The following ACVR1B variants were observed in gnomAD, a reference collection of about 807,000 sequenced individuals.
ACVR1B encodes activin receptor type-1B.
ACVR1B carries 15 observed loss-of-function variants against 55.6 expected under a neutral mutation model. The ratio of observed to expected loss-of-function variants is 0.27; its 90% CI spans 0.18 to 0.42. The LOEUF is 0.42. Ranked by LOEUF, ACVR1B falls within the 10% of genes least tolerant of loss-of-function variation. The pLI, the probability that ACVR1B is intolerant of heterozygous loss-of-function variation, is 1.00. For synonymous variants in ACVR1B, 247 were observed against 254.6 expected, an observed-to-expected ratio of 0.97 and a Z score of 0.28; for missense variants, 359 against 670.1, an observed-to-expected ratio of 0.54 and a Z score of 5.13.
At chr12:51,976,214 A>T in intron 2 of ACVR1B, 113 bp from the exon 3 acceptor site, 2 of 1,276,710 alleles carry the variant, frequency 1.6e-6, no homozygotes, top group Non-Finnish European at 2.2e-6. Context: ...GGGAGCCTGA[A>T]CACATCGACA....
At chr12:51,952,230 C>T (rs915854295) in intron 1 of ACVR1B, among the ~76,000 whole-genome samples, 1 of 152,078 alleles carries the variant, frequency 6.6e-6, no homozygotes, top group Non-Finnish European at 1.5e-5. Flanking sequence ...TCCAGGTGCT[C>T]CTGGGGGGCG....
chr12:51,958,873 GTC>G (rs892108640), intron 1 of ACVR1B, among the ~76,000 whole-genome samples: 2 of 152,168 alleles, frequency 1.3e-5, no homozygotes, highest in African/African-American at 4.8e-5. Flanking sequence ...ACCAGTACCG[GTC>G]TGTGGCCCCA....
chr12:51,971,478 A>T (rs991903073), intron 1 of ACVR1B, among the ~76,000 whole-genome samples: 1 of 152,136 alleles, frequency 6.6e-6, no homozygotes, highest in African/African-American at 2.4e-5. Context: ...TCCGCCTTGG[A>T]ATAAGGAGAG....
chr12:51,960,615 C>G (rs1314620590), intron 1 of ACVR1B, among the ~76,000 whole-genome samples: 2 of 152,166 alleles, frequency 1.3e-5, no homozygotes, highest in Non-Finnish European at 2.9e-5. Context: ...GCTAGGGGCT[C>G]TTATTCCCAT....
intron 1 of ACVR1B, among the ~76,000 whole-genome samples, chr12:51,958,328 T>A (rs1035934887): frequency 6.6e-6 from 1 of 152,120 alleles, no homozygotes; most frequent in Non-Finnish European, 1.5e-5. Flanking sequence ...TCGTGGAAGA[T>A]AATTTTCCCA....
Position 51,951,728 on chromosome 12 carries a change from G to A in ACVR1B, c.-16G>A, listed in dbSNP as rs1178503351. The A allele has an allele frequency of 3.3e-6, 4 of 1,223,686 alleles. No individual in the cohort carries two copies. The highest frequency in any genetic ancestry group is 6.5e-5 in the East Asian group (2 of 30,632). 75.8% of individuals were successfully genotyped at this position (1,223,686 alleles called of 1,614,324 possible). ...GCTGCTGGGCTGCGGCGGCGGCGGC[G>A]GCGGCGGTGGTTACTATGGCGGAGT... On this transcript the variant is annotated 5_prime_UTR_variant, in exon 1 of 9. Coordinates refer to ENST00000257963, the MANE Select transcript of ACVR1B (RefSeq NM_004302.5).
At chr12:51,972,820 T>C (rs1030310367) in intron 1 of ACVR1B, among the ~76,000 whole-genome samples, 6 of 152,170 alleles carry the variant, frequency 3.9e-5, no homozygotes, top group Non-Finnish European at 7.3e-5. Context: ...GACATAGATA[T>C]GTGTAGAGTG....
At chr12:51,982,780 G>A (rs1384710984) in intron 4 of ACVR1B, 1 of 1,530,036 alleles carries the variant, frequency 6.5e-7, no homozygotes, top group African/African-American at 1.4e-5. Flanking sequence ...AGGGAGGAAG[G>A]GGAAGAGCAA....
At chr12:51,955,696 C>T (rs1288636008) in intron 1 of ACVR1B, among the ~76,000 whole-genome samples, 2 of 152,100 alleles carry the variant, frequency 1.3e-5, no homozygotes, top group Non-Finnish European at 2.9e-5. Context: ...CTTGTGTTAG[C>T]TGTTGTTGTA....
intron 7 of ACVR1B, among the ~76,000 whole-genome samples, chr12:51,989,170 C>T (rs1261574980): frequency 1.3e-5 from 2 of 151,924 alleles, no homozygotes; most frequent in East Asian, 3.8e-4. Context: ...GTAGGAGAGA[C>T]TCCATCTCTA....
chr12:51,977,740 C>T (rs1341768272), intron 3 of ACVR1B, among the ~76,000 whole-genome samples: 1 of 149,694 alleles, frequency 6.7e-6, no homozygotes, highest in Non-Finnish European at 1.5e-5. Flanking sequence ...ACCTTAGTCT[C>T]CTGAGTAGCT....
rs532688908 is a variant in ACVR1B at position 51,996,521 on chromosome 12, A to T, written c.*2411A>T. 6.5e-6 allele frequency: 1 copy of T among 152,774 alleles called. No homozygotes were observed. Among genetic ancestry groups the T allele is most frequent in the East Asian group, 1.9e-4 (1 of 5,176 alleles). The allele number at this position is 152,774 out of a possible 1,614,324, so 9.5% of individuals were successfully genotyped here. On this transcript the variant is annotated 3_prime_UTR_variant, in exon 9 of 9. Transcript: ENST00000257963. ...CTGACCTCCCACCTATCCGCCCTGC[A>T]GCAGAACCTTGGCGGTTTATAGGTA...
At chr12:51,990,312 C>CTTTT (rs71092738) in intron 7 of ACVR1B, among the ~76,000 whole-genome samples, 85 of 89,560 alleles carry the variant, frequency 9.5e-4, no homozygotes, top group Admixed American at 1.6e-3. Context: ...AAATTTAGTG[C>CTTTT]TTTTTTTTTT....
At chr12:51,965,356 T>TA (rs1193149186) in intron 1 of ACVR1B, among the ~76,000 whole-genome samples, 4 of 152,232 alleles carry the variant, frequency 2.6e-5, no homozygotes, top group East Asian at 1.9e-4. Flanking sequence ...AAAGTATATT[T>TA]AAAAAAACCC....
At chr12:51,954,981 C>G (rs1449272748) in intron 1 of ACVR1B, among the ~76,000 whole-genome samples, 2 of 152,162 alleles carry the variant, frequency 1.3e-5, no homozygotes, top group African/African-American at 2.4e-5. Context: ...CAGATTTCCT[C>G]AAGTTAATTT....
chr12:51,961,532 T>C (rs1174385103), intron 1 of ACVR1B, among the ~76,000 whole-genome samples: 2 of 152,242 alleles, frequency 1.3e-5, no homozygotes, highest in Admixed American at 6.5e-5. Context: ...CAAATGAACT[T>C]GATCTCTCAA....
intron 7 of ACVR1B, among the ~76,000 whole-genome samples, chr12:51,990,286 TCACACA>T (rs202177119): frequency 1.5e-4 from 21 of 138,720 alleles, no homozygotes; most frequent in African/African-American, 4.8e-4. Flanking sequence ...AGAGTGAAAC[TCACACA>T]CACACACACA....
chr12:51,979,927 A>G (rs1330564788), intron 3 of ACVR1B, among the ~76,000 whole-genome samples: 4 of 152,150 alleles, frequency 2.6e-5, no homozygotes, highest in Non-Finnish European at 4.4e-5. Context: ...AGAAGGTCCA[A>G]AAGTAGGACA....
intron 4 of ACVR1B, among the ~76,000 whole-genome samples, chr12:51,983,509 G>T (rs897958071): frequency 6.6e-6 from 1 of 152,194 alleles, no homozygotes; most frequent in African/African-American, 2.4e-5. Flanking sequence ...GATGAGACAG[G>T]TGCTGTGTTT....
Sources: gnomAD v4.1 joint callset for allele counts (sites outside exome capture counted in the v4.1 genomes callset) on GRCh38, gnomAD v4.1.1 for gene constraint, MANE v1.5 for transcripts, NCBI Gene and HGNC (gene_info 2026-07-23, HGNC 2026-07-21) for gene names.